The following SYNE2 variants were observed in gnomAD, a reference collection of about 807,000 sequenced individuals.
SYNE2 encodes the protein nesprin-2.
Under a neutral mutation model 856.3 loss-of-function variants are expected in SYNE2, and 431 were observed. That is an observed-to-expected ratio of 0.50 (90% CI 0.47 to 0.55). SYNE2 has a LOEUF of 0.55. Ranked by LOEUF, SYNE2 falls within the 20% of genes least tolerant of loss-of-function variation. The pLI, the probability that SYNE2 is intolerant of heterozygous loss-of-function variation, is 0.00. For missense variants in SYNE2, 8,129 were observed against 8,023.2 expected (o/e 1.01, Z -0.50); for synonymous variants, 2,923 against 2,872.3 (o/e 1.02, Z -0.56).
Position 64,219,257 on chromosome 14 carries a change from G to A in SYNE2, c.19707G>A (p.Lys6569=). 6.2e-7 allele frequency: 1 copy of A among 1,613,874 alleles called. No individual in the cohort carries two copies. Among genetic ancestry groups the A allele is most frequent in the Non-Finnish European group, 8.5e-7 (1 of 1,179,968 alleles). ...TTCAAGCACAGGAGCTTCACAATAA[G>A]CTCAAAATAAAACAAAATTTGCAAC... ...EMIQAQELHN[K]LKIKQNLQQL... The change falls in exon 110 of 116, where the codon AAG becomes AAA. Residue 6569 remains lysine, a synonymous_variant. Transcript: ENST00000555002.
rs78295609 is a variant in SYNE2, at chr14:63,845,600, C to T, written c.-304-6901C>T. Among the ~76,000 whole-genome samples, 588 of 152,086 alleles carry T rather than the reference C, an allele frequency of 3.9e-3. 8 individuals carry two copies. Among genetic ancestry groups the T allele is most frequent in the East Asian group, 0.023 (119 of 5,182 alleles). Reference sequence around the variant, plus strand: ...GCATGGTAATTTATACATTGGTTCTCTGTATTTGACATAATTGATTTCTGC... The same window carrying T: ...GCATGGTAATTTATACATTGGTTCTTTGTATTTGACATAATTGATTTCTGC... On this transcript the variant is annotated intron_variant, in intron 1 of 23. Transcript: ENST00000674003.
chr14:64,207,043 C>G (rs1316118160), intron 100 of SYNE2, among the ~76,000 whole-genome samples: 1 of 152,166 alleles, frequency 6.6e-6, no homozygotes, highest in Non-Finnish European at 1.5e-5. Context: ...GCATATCAGG[C>G]ATTCTACCCA....
At chr14:64,167,687 A>G (rs1157771565) in intron 92 of SYNE2, 48 bp downstream of exon 92, 1 of 1,613,100 alleles carries the variant, frequency 6.2e-7, no homozygotes, top group Non-Finnish European at 8.5e-7. Flanking sequence ...CTGGGGCAGG[A>G]GTCAGGGAAA....
At chr14:64,128,616 C>T (rs1221233963) in intron 74 of SYNE2, 63 bp downstream of exon 74, 5 of 1,010,658 alleles carry the variant, frequency 4.9e-6, no homozygotes, top group South Asian at 2.5e-5. Context: ...GCATATAAGC[C>T]GTGCTTCTGA....
intron 97 of SYNE2, 32 bp downstream of exon 97, chr14:64,186,611 T>C: frequency 6.2e-7 from 1 of 1,613,752 alleles, no homozygotes; most frequent in Non-Finnish European, 8.5e-7. Flanking sequence ...CACGGCTGTT[T>C]GGGAGTGGAT....
At chr14:64,011,081 G>T (rs2096841293) in intron 32 of SYNE2, among the ~76,000 whole-genome samples, 1 of 152,186 alleles carries the variant, frequency 6.6e-6, no homozygotes, top group Non-Finnish European at 1.5e-5. Flanking sequence ...ATCAGTGAAA[G>T]CTTAAATAGG....
At chr14:63,948,166 TACACACACAC>T (rs59063086) in intron 6 of SYNE2, among the ~76,000 whole-genome samples, 96 of 147,346 alleles carry the variant, frequency 6.5e-4, no homozygotes, top group Admixed American at 2.1e-3. Context: ...GACACACACA[TACACACACAC>T]ACACACACAC....
intron 1 of SYNE2, among the ~76,000 whole-genome samples, chr14:63,812,307 G>A (rs1053693111): frequency 2.6e-5 from 4 of 152,180 alleles, no homozygotes; most frequent in Non-Finnish European, 5.9e-5. Flanking sequence ...TCTGCAAGAA[G>A]AAAAATATGG....
At chr14:63,873,283 A>G (rs565173982) in intron 1 of SYNE2, 1 of 144,044 alleles carries the variant, frequency 6.9e-6, no homozygotes, top group South Asian at 2.4e-4. Context: ...TTTATTTAGA[A>G]TGGATATGAC....
chr14:63,785,215 CTTGGGAGGTCA>C lies in SYNE2; in HGVS notation c.-305+23230_-305+23240del, dbSNP rs893512666. ...GTGGCTCACACCTGTAATCCCAGCA[CTTGGGAGGTCA>C]AGCGGGCAGATCATCTGAGCTCAGG... On this transcript the variant is annotated intron_variant, in intron 1 of 23. Transcript: ENST00000674003. Among the ~76,000 whole-genome samples, 12 of 151,746 alleles carry C rather than the reference CTTGGGAGGTCA, an allele frequency of 7.9e-5. 1 individual carries two copies. Among genetic ancestry groups the C allele is most frequent in the African/African-American group, 2.9e-4 (12 of 41,304 alleles).
At chr14:64,032,166 T>A (rs2097043785) in intron 45 of SYNE2, among the ~76,000 whole-genome samples, 1 of 152,136 alleles carries the variant, frequency 6.6e-6, no homozygotes, top group African/African-American at 2.4e-5. Flanking sequence ...CATGGAAGAT[T>A]AAAGGAACCA....
rs34625768 is a variant in SYNE2, at chr14:64,031,176, C to A, written c.7040C>A (p.Ala2347Glu). 14,136 of 1,614,134 alleles carry A rather than the reference C, an allele frequency of 8.8e-3. 751 individuals are homozygous for A. In the African/African-American group the frequency reaches 0.13, roughly 15 times the overall value. The change falls in exon 45 of 116, where the codon GCA becomes GAA. Residue 2347 changes from alanine to glutamate, a missense_variant. Transcript: ENST00000555002. Reference sequence around the variant, plus strand: ...CAAAAAGATTTGGAAAACAGGCTTGCATCTGCTAAGCAGGAGATGGAATGT... The same window carrying A: ...CAAAAAGATTTGGAAAACAGGCTTGAATCTGCTAAGCAGGAGATGGAATGT... The part of the protein sequence containing the change: ...CKQKDLENRL[A>E]SAKQEMECCL...
chr14:64,080,642 T>C lies in SYNE2; in HGVS notation c.11346+4T>C, dbSNP rs1039538127. 6.2e-7 allele frequency: 1 copy of C among 1,613,990 alleles called. No homozygotes were observed. ...TAGAACCTCACAGTTGAATAAGGTA[T>C]GGCTGTGACTCGTAATAGCTTCATA... On this transcript the variant is annotated splice_donor_region_variant and intron_variant, in intron 56 of 115. Coordinates refer to ENST00000555002, the MANE Select transcript of SYNE2 (RefSeq NM_182914.3).
intron 45 of SYNE2, among the ~76,000 whole-genome samples, chr14:64,036,559 G>C (rs1367078863): frequency 6.6e-6 from 1 of 152,140 alleles, no homozygotes; most frequent in African/African-American, 2.4e-5. Flanking sequence ...AAAATGCTGG[G>C]ATTACAGGCA....
chr14:64,093,267 C>A, intron 60 of SYNE2, 82 bp from the exon 61 acceptor site: 1 of 1,539,464 alleles, frequency 6.5e-7, no homozygotes, highest in South Asian at 1.1e-5. Flanking sequence ...ATTAAAACTT[C>A]CATGGGGCTA....
rs368001768 is a variant in SYNE2, at chr14:63,873,006, C to T, written c.-52+19863C>T. On this transcript the variant is annotated intron_variant, in intron 1 of 115. Transcript: ENST00000555002. ...TGTCTCCTTCTAGGACCCACCTGTT[C>T]ACGTCTTTTGCTTATTTTCCTGTTG... Among the ~76,000 whole-genome samples the T allele has an allele frequency of 1.6e-3, 236 of 152,172 alleles. 8 individuals carry two copies. The South Asian group carries it at 0.047, about 31-fold the overall frequency.
In SYNE2 at chr14:63,884,801, C is replaced by CATAT. The variant is rs112717077; in HGVS notation, c.-51-24284_-51-24281dup. On this transcript the variant is annotated intron_variant, in intron 1 of 115. Transcript: ENST00000555002. Reference sequence around the variant, plus strand: ...TGCAGTTGATAGGAAGCCTTTGAAACATATATATATATATATTTTTAGTAG... The same window carrying CATAT: ...TGCAGTTGATAGGAAGCCTTTGAAACATATATATATATATATATATTTTTAGTAG... 3.1e-4 allele frequency among the ~76,000 whole-genome samples: 47 copies of CATAT among 150,286 alleles called. 1 individual carries two copies. Among genetic ancestry groups the CATAT allele is most frequent in the African/African-American group, 1.1e-3 (47 of 40,990 alleles).
chr14:63,952,225 C>T (rs1006849429), intron 7 of SYNE2, among the ~76,000 whole-genome samples: 1 of 152,076 alleles, frequency 6.6e-6, no homozygotes, highest in Non-Finnish European at 1.5e-5. Context: ...GGCTTTGGCT[C>T]ATCAGTGCAG....
chr14:63,862,393 C>T (rs1237230717), intron 1 of SYNE2, among the ~76,000 whole-genome samples: 1 of 152,126 alleles, frequency 6.6e-6, no homozygotes, highest in Admixed American at 6.6e-5. Flanking sequence ...AAGTGATCCT[C>T]CAGCCTCGTG....
Sources: gnomAD v4.1 joint callset for allele counts (sites outside exome capture counted in the v4.1 genomes callset) on GRCh38, gnomAD v4.1.1 for gene constraint, MANE v1.5 for transcripts, NCBI Gene and HGNC (gene_info 2026-07-23, HGNC 2026-07-21) for gene names.